The following HMGA2 variants were observed in gnomAD, a reference collection of about 807,000 sequenced individuals.
HMGA2 encodes the protein high mobility group AT-hook 2, also known as high mobility group protein HMGI-C.
HMGA2 carries 8 observed loss-of-function variants against 19.1 expected under a neutral mutation model. The observed-to-expected ratio is 0.42, with a 90% CI of 0.25 to 0.76. The LOEUF is 0.76. Among genes scored for constraint, HMGA2 ranks in the 30% least tolerant of loss-of-function variants. The pLI is 0.28. For missense variants in HMGA2, 109 were observed against 136.3 expected, an observed-to-expected ratio of 0.80 and a Z score of 1.00; for synonymous variants, 60 against 48.8, an observed-to-expected ratio of 1.23 and a Z score of -0.96.
chr12:65,957,864 T>C (rs1191526126), intron 4 of HMGA2: 6 of 152,238 alleles, frequency 3.9e-5, no homozygotes, highest in Admixed American at 2.0e-4. Context: ...TATTTTACTT[T>C]CCTCTGGGGA....
rs1592366306 is a variant in HMGA2, at chr12:65,825,112, G to T, written c.-159G>T. On this transcript the variant is annotated 5_prime_UTR_variant, in exon 1 of 5. Coordinates refer to ENST00000403681, the MANE Select transcript of HMGA2 (RefSeq NM_003483.6). This position sits in a 1 kb window ranked among gnomAD's most constrained non-coding sequence, Gnocchi z 4.4. Reference sequence around the variant, plus strand: ...ACGTCCGGTGTTGATGGTGGCAGCGGCGGCAGCCTAAGCAACAGCAGCCCT... The same window carrying T: ...ACGTCCGGTGTTGATGGTGGCAGCGTCGGCAGCCTAAGCAACAGCAGCCCT... The T allele has an allele frequency of 1.1e-5, 6 of 544,040 alleles. No homozygotes were observed. In the East Asian group the frequency reaches 2.1e-4, roughly 19 times the overall value. The allele number at this position is 544,040 out of a possible 1,614,324, so 33.7% of individuals were successfully genotyped here.
chr12:65,874,818 T>A (rs1872896381), intron 3 of HMGA2, among the ~76,000 whole-genome samples: 1 of 152,260 alleles, frequency 6.6e-6, no homozygotes, highest in Non-Finnish European at 1.5e-5. Flanking sequence ...TTTGCCCCAA[T>A]GGGCTCATCT....
At chr12:65,932,372 C>T (rs976426866) in intron 3 of HMGA2, among the ~76,000 whole-genome samples, 2 of 152,218 alleles carry the variant, frequency 1.3e-5, no homozygotes, top group African/African-American at 2.4e-5. Context: ...TGATTGTTAA[C>T]ATAAGCATCA....
intron 3 of HMGA2, among the ~76,000 whole-genome samples, chr12:65,917,812 T>C (rs1029595736): frequency 6.6e-6 from 1 of 152,244 alleles, no homozygotes; most frequent in Non-Finnish European, 1.5e-5. Context: ...GTGTCTGTGA[T>C]GAAACTTTAA....
At chr12:65,844,050 C>CAA (rs3048828) in intron 3 of HMGA2, among the ~76,000 whole-genome samples, 3,802 of 79,596 alleles carry the variant, frequency 0.048, 237 homozygotes, top group African/African-American at 0.13. Flanking sequence ...GACTCCATCT[C>CAA]AAAAAAAAAA....
At chr12:65,921,534 A>T (rs1468468439) in intron 3 of HMGA2, among the ~76,000 whole-genome samples, 1 of 152,232 alleles carries the variant, frequency 6.6e-6, no homozygotes. Context: ...GGCGTGAGCC[A>T]CTGCGCCCGG....
chr12:65,836,887 C>T (rs908782898), intron 2 of HMGA2, among the ~76,000 whole-genome samples: 1 of 152,122 alleles, frequency 6.6e-6, no homozygotes, highest in African/African-American at 2.4e-5. Flanking sequence ...ATTTTAGTTT[C>T]CTAAAGTATT....
At chr12:65,830,105 G>T (rs535049552) in intron 2 of HMGA2, among the ~76,000 whole-genome samples, 30 of 151,922 alleles carry the variant, frequency 2.0e-4, no homozygotes, top group African/African-American at 7.2e-4. Flanking sequence ...TAATAAAAAT[G>T]AATAAATACA....
At chr12:65,892,059 G>T (rs750383237) in intron 3 of HMGA2, among the ~76,000 whole-genome samples, 1 of 152,158 alleles carries the variant, frequency 6.6e-6, no homozygotes, top group Non-Finnish European at 1.5e-5. Context: ...AATCTGGACC[G>T]GAGTGCTCTG....
At chr12:65,924,728 G>A (rs1341023146) in intron 3 of HMGA2, among the ~76,000 whole-genome samples, 1 of 152,096 alleles carries the variant, frequency 6.6e-6, no homozygotes, top group Non-Finnish European at 1.5e-5. Context: ...AACCCAGGAG[G>A]CACCGGTTGC....
chr12:65,852,133 G>T (rs1424022773), intron 3 of HMGA2, among the ~76,000 whole-genome samples: 1 of 133,756 alleles, frequency 7.5e-6, no homozygotes, highest in Admixed American at 7.6e-5. Context: ...CAAATAATTT[G>T]TACAAATAAT....
intron 3 of HMGA2, among the ~76,000 whole-genome samples, chr12:65,848,371 A>T (rs1871313817): frequency 6.6e-6 from 1 of 152,228 alleles, no homozygotes; most frequent in Non-Finnish European, 1.5e-5. Context: ...TAACATGAGA[A>T]TAAAGAAAAG....
intron 3 of HMGA2, among the ~76,000 whole-genome samples, chr12:65,919,606 C>T (rs987718838): frequency 1.3e-5 from 2 of 152,240 alleles, no homozygotes; most frequent in African/African-American, 4.8e-5. Context: ...CTGCCATTTT[C>T]TCACTCTGGA....
intron 3 of HMGA2, chr12:65,859,918 T>TTA: frequency 4.6e-6 from 1 of 219,276 alleles, no homozygotes; most frequent in Non-Finnish European, 9.5e-6. Context: ...GCCCCATCTC[T>TTA]AAAAAAAAAA....
chr12:65,851,945 A>T (rs1871493819), intron 3 of HMGA2, among the ~76,000 whole-genome samples: 1 of 152,178 alleles, frequency 6.6e-6, no homozygotes, highest in Non-Finnish European at 1.5e-5. Context: ...TAAAAGAGGG[A>T]TAATAATTGT....
intron 1 of HMGA2, among the ~76,000 whole-genome samples, chr12:65,827,663 T>C (rs1371847305): frequency 6.6e-6 from 1 of 152,246 alleles, no homozygotes; most frequent in Admixed American, 6.5e-5. Flanking sequence ...ATTATTCCTA[T>C]GAGTTGCCAA....
intron 3 of HMGA2, among the ~76,000 whole-genome samples, chr12:65,895,489 C>A (rs1236520732): frequency 1.3e-5 from 2 of 152,126 alleles, no homozygotes; most frequent in East Asian, 1.9e-4. Context: ...TCCTACCAGA[C>A]AAAACTGAAA....
chr12:65,911,014 C>G, intron 3 of HMGA2, among the ~76,000 whole-genome samples: 1 of 152,156 alleles, frequency 6.6e-6, no homozygotes, highest in East Asian at 1.9e-4. Flanking sequence ...CTAGAGCCCC[C>G]ACAGATTCTG....
In HMGA2 at chr12:65,846,240, A is replaced by C. The variant is rs575112606; in HGVS notation, c.249+7671A>C. 7.2e-5 allele frequency among the ~76,000 whole-genome samples: 11 copies of C among 152,356 alleles called. No individual in the cohort carries two copies. In the East Asian group the frequency reaches 1.7e-3, roughly 24 times the overall value. ...AAAGTCTTTTTCAGGATGCCGTAGT[A>C]AACAAGAGTCCCTTTTGAGCATTTC... On this transcript the variant is annotated intron_variant, in intron 3 of 4. Coordinates refer to ENST00000403681, the MANE Select transcript of HMGA2 (RefSeq NM_003483.6).
Sources: gnomAD v4.1 joint callset for allele counts (sites outside exome capture counted in the v4.1 genomes callset) on GRCh38, gnomAD v4.1.1 for gene constraint, Gnocchi (gnomAD v3.1) non-coding constraint, MANE v1.5 for transcripts, NCBI Gene and HGNC (gene_info 2026-07-23, HGNC 2026-07-21) for gene names.